TMCC1: variants seen among roughly 807,000 people sequenced by gnomAD.
TMCC1 encodes transmembrane and coiled-coil domains protein 1.
A neutral mutation model predicts 52.4 loss-of-function variants in TMCC1; 15 were observed. The observed-to-expected ratio is 0.29, with a 90% CI of 0.19 to 0.44. TMCC1 has a LOEUF of 0.44. Ranked by LOEUF, TMCC1 falls within the 20% of genes least tolerant of loss-of-function variation. The probability of loss-of-function intolerance (pLI) is 1.00; values close to 1 mark genes in which losing one functional copy is unlikely to be tolerated. For synonymous variants in TMCC1, 279 were observed against 301.9 expected (o/e 0.92, Z 0.79); for missense variants, 503 against 806.0 (o/e 0.62, Z 4.55).
rs1237521793 is a variant in TMCC1 at position 129,650,270 on chromosome 3, T to C, written c.*1211A>G. 7.8e-5 allele frequency: 7 copies of C among 89,478 alleles called. No individual in the cohort carries two copies. Among genetic ancestry groups the C allele is most frequent in the Non-Finnish European group, 1.8e-4 (7 of 38,854 alleles). 5.5% of individuals were successfully genotyped at this position (89,478 alleles called of 1,614,324 possible). Reference sequence around the variant, plus strand: ...GCCCAAGATCACTGGGTGAACGTTTTCTTGGGGCAAAAAAAAAAAAAAAAA... The same window carrying C: ...GCCCAAGATCACTGGGTGAACGTTTCCTTGGGGCAAAAAAAAAAAAAAAAA... On this transcript the variant is annotated 3_prime_UTR_variant, in exon 7 of 7. Coordinates refer to ENST00000393238, the MANE Select transcript of TMCC1 (RefSeq NM_001017395.5).
intron 4 of TMCC1, among the ~76,000 whole-genome samples, chr3:129,752,659 G>GTC (rs562985292): frequency 1.9e-3 from 288 of 148,378 alleles, no homozygotes; most frequent in African/African-American, 5.4e-3. Context: ...GAGCAAGACT[G>GTC]TCACACACAC....
intron 4 of TMCC1, among the ~76,000 whole-genome samples, chr3:129,709,481 A>AG (rs2048489366): frequency 5.5e-5 from 1 of 18,316 alleles, no homozygotes; most frequent in Non-Finnish European, 1.5e-4. Flanking sequence ...CCTCAAAAAA[A>AG]AAAAAAAAAA....
At position 129,735,188 on chromosome 3, in the gene TMCC1, A is replaced by G. The variant is rs549253807; in HGVS notation, c.577-63924T>C. On this transcript the variant is annotated intron_variant, in intron 4 of 6. Transcript: ENST00000393238. ...AGTGTTGGGATTACAGGCGTGAGCC[A>G]CTGCACCCAGCCTCTGTTTGAAATA... 2.6e-5 allele frequency among the ~76,000 whole-genome samples: 4 copies of G among 152,316 alleles called. No individual in the cohort carries two copies. In the South Asian group the frequency reaches 8.3e-4, roughly 32 times the overall value.
intron 2 of TMCC1, among the ~76,000 whole-genome samples, chr3:129,866,361 ATTT>A (rs2060646621): frequency 8.3e-6 from 1 of 120,140 alleles, no homozygotes; most frequent in African/African-American, 3.3e-5. Flanking sequence ...CATAATATAT[ATTT>A]TATATATATA....
intron 2 of TMCC1, among the ~76,000 whole-genome samples, chr3:129,845,382 T>C (rs985599528): frequency 6.6e-6 from 1 of 152,096 alleles, no homozygotes; most frequent in Non-Finnish European, 1.5e-5. Context: ...AAATAATCTA[T>C]AAATATCTCC....
chr3:129,802,523 C>T (rs1158324609), intron 4 of TMCC1, among the ~76,000 whole-genome samples: 1 of 152,188 alleles, frequency 6.6e-6, no homozygotes, highest in Non-Finnish European at 1.5e-5. Flanking sequence ...AGGAGGATCG[C>T]TTGATCCCAG....
rs566547259 is a variant in TMCC1 at position 129,885,612 on chromosome 3, T to C, written c.-434-5053A>G. Among the ~76,000 whole-genome samples the C allele has an allele frequency of 3.3e-5, 5 of 152,142 alleles. No individual in the cohort carries two copies. The East Asian group carries it at 7.7e-4, about 24-fold the overall frequency. On this transcript the variant is annotated intron_variant, in intron 1 of 6. Coordinates refer to ENST00000393238, the MANE Select transcript of TMCC1 (RefSeq NM_001017395.5). ...AAAATAGAAAAAAGGAAAACAATAT[T>C]TGATGCTATTCTATTATAGTTCAAA...
intron 2 of TMCC1, among the ~76,000 whole-genome samples, chr3:129,879,635 C>A (rs1180610650): frequency 6.6e-6 from 1 of 152,138 alleles, no homozygotes; most frequent in Non-Finnish European, 1.5e-5. Flanking sequence ...GGTGAGAAAA[C>A]AAACATACTT....
At chr3:129,695,841 T>C (rs2047379339) in intron 4 of TMCC1, among the ~76,000 whole-genome samples, 1 of 152,180 alleles carries the variant, frequency 6.6e-6, no homozygotes, top group Non-Finnish European at 1.5e-5. Flanking sequence ...CCCAAATTCC[T>C]ATCTAAGGAG....
intron 4 of TMCC1, among the ~76,000 whole-genome samples, chr3:129,750,517 T>A (rs989346737): frequency 6.6e-6 from 1 of 150,810 alleles, no homozygotes; most frequent in Non-Finnish European, 1.5e-5. Context: ...TATATTCATA[T>A]CCTTTGAATC....
At chr3:129,879,376 G>A (rs1238944277) in intron 2 of TMCC1, among the ~76,000 whole-genome samples, 1 of 152,138 alleles carries the variant, frequency 6.6e-6, no homozygotes, top group Non-Finnish European at 1.5e-5. Context: ...AGGAATGTGA[G>A]ATTGCTGTGA....
intron 4 of TMCC1, among the ~76,000 whole-genome samples, chr3:129,776,562 C>A (rs1284525182): frequency 6.6e-6 from 1 of 151,872 alleles, no homozygotes; most frequent in Non-Finnish European, 1.5e-5. Flanking sequence ...TAGGAAGGGC[C>A]AGAGAAAAAA....
intron 4 of TMCC1, among the ~76,000 whole-genome samples, chr3:129,739,873 C>A (rs1477667724): frequency 6.6e-6 from 1 of 152,154 alleles, no homozygotes; most frequent in Non-Finnish European, 1.5e-5. Context: ...TTTCAGATTC[C>A]CTGATCTTAA....
chr3:129,748,917 C>T (rs368274186), intron 4 of TMCC1, among the ~76,000 whole-genome samples: 3 of 151,834 alleles, frequency 2.0e-5, no homozygotes, highest in Non-Finnish European at 4.4e-5. Context: ...TGCTTGAACC[C>T]GGGAGAAGGA....
chr3:129,826,732 A>G (rs2058677809), intron 4 of TMCC1, among the ~76,000 whole-genome samples: 1 of 152,054 alleles, frequency 6.6e-6, no homozygotes, highest in Admixed American at 6.6e-5. Flanking sequence ...CCTTAGGAAA[A>G]GTTTAAGGTA....
chr3:129,884,964 C>T (rs888095855), intron 1 of TMCC1, among the ~76,000 whole-genome samples: 1 of 151,802 alleles, frequency 6.6e-6, no homozygotes, highest in Non-Finnish European at 1.5e-5. Context: ...CATGGTGAAA[C>T]CTCATCTCTA....
intron 2 of TMCC1, among the ~76,000 whole-genome samples, chr3:129,863,519 G>C (rs909524760): frequency 1.3e-5 from 2 of 152,032 alleles, no homozygotes; most frequent in African/African-American, 4.8e-5. Context: ...GAAAAGGGCA[G>C]AATAAAAGAA....
intron 4 of TMCC1, among the ~76,000 whole-genome samples, chr3:129,762,950 G>A (rs570662378): frequency 1.4e-4 from 22 of 151,962 alleles, no homozygotes; most frequent in African/African-American, 4.6e-4. Context: ...TGTAATCCCA[G>A]CACTTTGGGA....
intron 4 of TMCC1, among the ~76,000 whole-genome samples, chr3:129,821,745 CTATT>C (rs2058434398): frequency 6.6e-6 from 1 of 152,268 alleles, no homozygotes; most frequent in South Asian, 2.1e-4. Flanking sequence ...TCCATGAAGA[CTATT>C]TAACCAGCCA....
Sources: allele counts gnomAD v4.1 joint callset (sites outside exome capture counted in the v4.1 genomes callset), GRCh38; gene constraint gnomAD v4.1.1; transcripts MANE v1.5; gene names NCBI Gene and HGNC (gene_info 2026-07-23, HGNC 2026-07-21).